RPS6KA3: variants seen among roughly 807,000 people sequenced by gnomAD.
The protein encoded by RPS6KA3 is ribosomal protein S6 kinase A3.
Under a neutral mutation model 67.2 loss-of-function variants are expected in RPS6KA3, and 4 were observed. That is an observed-to-expected ratio of 0.06 (90% CI 0.03 to 0.14). RPS6KA3 has a LOEUF of 0.14. RPS6KA3 is among the 10% of genes least tolerant of loss of function. The pLI, the probability that RPS6KA3 is intolerant of heterozygous loss-of-function variation, is 1.00. For missense variants in RPS6KA3, 204 were observed against 559.0 expected (o/e 0.36, Z 6.40); for synonymous variants, 182 against 183.7 (o/e 0.99, Z 0.07).
rs376007641 is a variant in RPS6KA3 at position 20,249,727 on chromosome X, G to A, written c.70-14913C>T. Among the ~76,000 whole-genome samples, 28 of 111,962 alleles carry A rather than the reference G, an allele frequency of 2.5e-4. No homozygotes were observed. The South Asian group carries it at 1.0e-2, about 40-fold the overall frequency. On this transcript the variant is annotated intron_variant, in intron 1 of 21. Coordinates refer to ENST00000379565, the MANE Select transcript of RPS6KA3 (RefSeq NM_004586.3). Reference sequence around the variant, plus strand: ...TCTCAGTTACAGGTTCATACCCTTCGCAGAGTCTTTTTCATAGATAAAAGG... The same window carrying A: ...TCTCAGTTACAGGTTCATACCCTTCACAGAGTCTTTTTCATAGATAAAAGG...
At chrX:20,205,564 C>T (rs148457732) in intron 3 of RPS6KA3, among the ~76,000 whole-genome samples, 13,187 of 111,674 alleles carry the variant, frequency 0.12, 772 homozygotes, top group Non-Finnish European at 0.16. Context: ...CTCCAATAAT[C>T]ACCACCCCCT....
chrX:20,191,461 G>C (rs1243759796), intron 7 of RPS6KA3, among the ~76,000 whole-genome samples: 1 of 111,587 alleles, frequency 9.0e-6, no homozygotes, highest in African/African-American at 3.3e-5. Context: ...CTTCCACAAT[G>C]GTTGAACTAA....
intron 1 of RPS6KA3, among the ~76,000 whole-genome samples, chrX:20,251,457 G>A (rs1201658139): frequency 1.8e-5 from 2 of 112,938 alleles, no homozygotes; most frequent in Non-Finnish European, 3.8e-5. Flanking sequence ...ACAGGCGTAA[G>A]TCTCCCAAAG....
At chrX:20,256,688 C>T (rs2070076894) in intron 1 of RPS6KA3, among the ~76,000 whole-genome samples, 1 of 111,982 alleles carries the variant, frequency 8.9e-6, no homozygotes, top group Admixed American at 9.5e-5. Flanking sequence ...ATCAACTTCA[C>T]TCAGTTTTAC....
intron 2 of RPS6KA3, among the ~76,000 whole-genome samples, chrX:20,217,629 T>C (rs1019520246): frequency 1.8e-5 from 2 of 112,676 alleles, no homozygotes; most frequent in Admixed American, 9.4e-5. Flanking sequence ...TTTCTAACTA[T>C]GGATGTGTAA....
In RPS6KA3 at chrX:20,209,330, C is replaced by T; in HGVS notation, c.201G>A (p.Gln67=). 1 of 1,199,403 alleles carries T rather than the reference C, an allele frequency of 8.3e-7. No individual in the cohort carries two copies. The highest frequency in any genetic ancestry group is 1.1e-6 in the Non-Finnish European group (1 of 884,519). Reference sequence around the variant, plus strand: ...GCCCTAATACTTTTAAAAGTTCAAACTGGGAAGGATCTGCCTTTTCATGTC... The same window carrying T: ...GCCCTAATACTTTTAAAAGTTCAAATTGGGAAGGATCTGCCTTTTCATGTC... ...KEGHEKADPS[Q]FELLKVLGQG... The change falls in exon 3 of 22, where the codon CAG becomes CAA. Residue 67 remains glutamine, a synonymous_variant. Transcript: ENST00000379565.
Position 20,176,332 on chromosome X carries a change from A to T in RPS6KA3, c.1020T>A (p.Ile340=). 8.4e-7 allele frequency: 1 copy of T among 1,189,702 alleles called. No individual in the cohort carries two copies. Among genetic ancestry groups the T allele is most frequent in the Non-Finnish European group, 1.1e-6 (1 of 875,861 alleles). Residue 340 remains isoleucine (I), a synonymous_variant, in exon 13 of 22, where the codon ATT becomes ATA. Transcript: ENST00000379565. ...IDWNKLYRRE[I]HPPFKPATGR... ...CCGTTGCAGGTTTAAATGGCGGATG[A>T]ATTTCTCTTCTATACAGTTTCTGGA...
chrX:20,228,881 T>C (rs1260010402), intron 2 of RPS6KA3, among the ~76,000 whole-genome samples: 1 of 112,113 alleles, frequency 8.9e-6, no homozygotes, highest in Non-Finnish European at 1.9e-5. Context: ...CTCCTTGTTG[T>C]TTTGGGCGGT....
In RPS6KA3 at chrX:20,211,056, T is replaced by C. The variant is rs112261380; in HGVS notation, c.127-1652A>G. On this transcript the variant is annotated intron_variant, in intron 2 of 21. Transcript: ENST00000379565. ...AGTATATGTGGGATTAAGATTTAGA[T>C]AGAAATCCAGGAAATACTATTATTG... Among the ~76,000 whole-genome samples the C allele has an allele frequency of 8.9e-4, 98 of 109,831 alleles. 1 individual carries two copies. Among genetic ancestry groups the C allele is most frequent in the African/African-American group, 3.1e-3 (95 of 30,222 alleles).
chrX:20,157,188 A>T (rs957034349), intron 20 of RPS6KA3, among the ~76,000 whole-genome samples: 4 of 112,279 alleles, frequency 3.6e-5, no homozygotes, highest in African/African-American at 1.3e-4. Context: ...CACCACTGTC[A>T]TTTATAAAAG....
chrX:20,195,794 C>T (rs1315159703), intron 4 of RPS6KA3, among the ~76,000 whole-genome samples: 4 of 111,944 alleles, frequency 3.6e-5, no homozygotes, highest in Non-Finnish European at 7.5e-5. Context: ...GAGCAAGATA[C>T]TTATTTAAAT....
chrX:20,167,513 A>G, intron 17 of RPS6KA3, 76 bp downstream of exon 17: 1 of 974,309 alleles, frequency 1.0e-6, no homozygotes, highest in South Asian at 2.0e-5. Context: ...GCATAAAGTA[A>G]TTTCTATCTA....
intron 1 of RPS6KA3, among the ~76,000 whole-genome samples, chrX:20,254,855 G>A (rs964153637): frequency 8.9e-6 from 1 of 111,887 alleles, no homozygotes; most frequent in African/African-American, 3.3e-5. Context: ...GCAAGGATAC[G>A]GAAAAGCTGG....
chrX:20,230,992 C>T (rs1186466480), intron 2 of RPS6KA3, among the ~76,000 whole-genome samples: 1 of 110,543 alleles, frequency 9.0e-6, no homozygotes, highest in African/African-American at 3.3e-5. Context: ...CAGGGTCTCA[C>T]TCTGTTGCCC....
At chrX:20,194,338 A>G (rs1196132790) in intron 5 of RPS6KA3, 70 bp from the exon 6 acceptor site, 4 of 603,617 alleles carry the variant, frequency 6.6e-6, no homozygotes, top group Admixed American at 2.8e-5. Flanking sequence ...GGTCATTCAT[A>G]AATGAATATT....
intron 2 of RPS6KA3, among the ~76,000 whole-genome samples, chrX:20,227,963 T>C (rs1043220273): frequency 8.9e-6 from 1 of 111,914 alleles, no homozygotes; most frequent in Non-Finnish European, 1.9e-5. Context: ...TCCTACTTTC[T>C]ACCTCTTATT....
chrX:20,187,814 A>G lies in RPS6KA3; in HGVS notation c.774+14T>C. 1.7e-6 allele frequency: 2 copies of G among 1,203,530 alleles called. No individual in the cohort carries two copies. The highest frequency in any genetic ancestry group is 3.0e-5 in the East Asian group (1 of 33,800). On this transcript the variant is annotated intron_variant, in intron 9 of 21. Transcript: ENST00000379565. ...TCTCCTTCCCCTCTAAAAAATCCCA[A>G]ATTCAAACCTTACCATTAACACACC...
intron 14 of RPS6KA3, among the ~76,000 whole-genome samples, chrX:20,173,218 T>C (rs943305426): frequency 9.0e-6 from 1 of 111,499 alleles, no homozygotes; most frequent in East Asian, 2.8e-4. Context: ...CCTTTGCAAA[T>C]GAGAAGTTTG....
intron 1 of RPS6KA3, among the ~76,000 whole-genome samples, chrX:20,260,588 A>G (rs2070198860): frequency 8.9e-6 from 1 of 111,766 alleles, no homozygotes; most frequent in East Asian, 2.8e-4. Context: ...AAACTGATCA[A>G]TCAAATAAAT....
Sources: gnomAD v4.1 joint callset for allele counts (sites outside exome capture counted in the v4.1 genomes callset) on GRCh38, gnomAD v4.1.1 for gene constraint, MANE v1.5 for transcripts, NCBI Gene and HGNC (gene_info 2026-07-23, HGNC 2026-07-21) for gene names.